CSE1L: variants seen among roughly 807,000 people sequenced by gnomAD.
CSE1L encodes the protein chromosome segregation 1 like.
Under a neutral mutation model 120.4 loss-of-function variants are expected in CSE1L, and 24 were observed. That is an observed-to-expected ratio of 0.20 (90% confidence interval 0.14 to 0.28). The LOEUF (loss-of-function observed/expected upper bound fraction) is 0.28. Ranked by LOEUF, CSE1L falls within the 10% of genes least tolerant of loss-of-function variation. The pLI is 1.00. For missense variants in CSE1L, 830 were observed against 1,145.2 expected, an observed-to-expected ratio of 0.72 and a Z score of 3.97; for synonymous variants, 402 against 398.3, an observed-to-expected ratio of 1.01 and a Z score of -0.11.
chr20:49,066,488 A>G lies in CSE1L; in HGVS notation c.454A>G (p.Thr152Ala). ...DFHVINGVLR[T>A]AHSLFKRYRH... ...CCATGTTATTAATGGAGTCCTCCGTACAGCACATTCATTATTTAAAAGGTA... is the reference window on the plus strand; with the variant it reads ...CCATGTTATTAATGGAGTCCTCCGTGCAGCACATTCATTATTTAAAAGGTA... The change falls in exon 5 of 25, where the codon ACA (threonine) becomes GCA (alanine). Residue 152 changes from threonine (T) to alanine (A), a missense_variant. By Grantham distance (58) the Thr-to-Ala change is moderately conservative. This residue lies in a region of CSE1L where 543 missense variants were observed against 640.2 expected (regional missense o/e 0.85). Coordinates refer to ENST00000262982, the MANE Select transcript of CSE1L (RefSeq NM_001316.4). 6.2e-7 allele frequency: 1 copy of G among 1,612,938 alleles called. No individual in the cohort carries two copies. Among genetic ancestry groups the G allele is most frequent in the Non-Finnish European group, 8.5e-7 (1 of 1,179,574 alleles).
chr20:49,057,397 G>A (rs2123664260), intron 1 of CSE1L, among the ~76,000 whole-genome samples: 1 of 150,122 alleles, frequency 6.7e-6, no homozygotes, highest in South Asian at 2.1e-4. Flanking sequence ...TTTAATCTCA[G>A]AACTTTATGT....
chr20:49,052,735 T>G (rs939652742), intron 1 of CSE1L, among the ~76,000 whole-genome samples: 1 of 152,142 alleles, frequency 6.6e-6, no homozygotes, highest in Non-Finnish European at 1.5e-5. Context: ...TCTACAGGTG[T>G]GTGCCACCAC....
intron 14 of CSE1L, among the ~76,000 whole-genome samples, chr20:49,079,167 AC>A (rs2091991216): frequency 6.6e-6 from 1 of 151,912 alleles, no homozygotes; most frequent in East Asian, 1.9e-4. Context: ...TGCTGGGACT[AC>A]AGGTGTGAGC....
intron 22 of CSE1L, among the ~76,000 whole-genome samples, 169 bp from the exon 23 acceptor site, chr20:49,093,971 T>C (rs1222751881): frequency 2.0e-5 from 3 of 151,646 alleles, no homozygotes; most frequent in African/African-American, 7.3e-5. Context: ...GGTAGAGGTG[T>C]GATGGGGTTT....
intron 1 of CSE1L, among the ~76,000 whole-genome samples, chr20:49,047,258 A>C (rs2091720956): frequency 6.6e-6 from 1 of 152,034 alleles, no homozygotes; most frequent in Non-Finnish European, 1.5e-5. Context: ...TTAATAACAG[A>C]ATCTACCTCG....
At chr20:49,090,635 G>A in intron 19 of CSE1L, 107 bp from the exon 20 acceptor site, 1 of 812,176 alleles carries the variant, frequency 1.2e-6, no homozygotes, top group South Asian at 1.6e-5. Flanking sequence ...AAAGAGAAAA[G>A]GATAGATTAT....
At chr20:49,080,372 C>G (rs1340219949) in intron 14 of CSE1L, among the ~76,000 whole-genome samples, 5 of 151,452 alleles carry the variant, frequency 3.3e-5, no homozygotes, top group South Asian at 2.1e-4. Context: ...AGGCACCATG[C>G]CTGGCCCTGG....
intron 2 of CSE1L, among the ~76,000 whole-genome samples, chr20:49,061,154 A>G (rs2091849226): frequency 6.6e-6 from 1 of 150,768 alleles, no homozygotes; most frequent in South Asian, 2.1e-4. Context: ...AGCTGTTGCC[A>G]ACACTATTAA....
chr20:49,090,898 G>T, intron 20 of CSE1L, 39 bp from the exon 21 acceptor site: 1 of 1,596,752 alleles, frequency 6.3e-7, no homozygotes. Context: ...GCTCAGAAAA[G>T]TCCTAAATTT....
intron 14 of CSE1L, among the ~76,000 whole-genome samples, chr20:49,079,880 G>T (rs2039864949): frequency 3.9e-5 from 6 of 152,158 alleles, no homozygotes; most frequent in Admixed American, 3.3e-4. Context: ...AGGAGTTCAA[G>T]ACCACCTTGG....
intron 2 of CSE1L, among the ~76,000 whole-genome samples, chr20:49,060,775 C>CAA (rs3092475): frequency 1.7e-3 from 231 of 136,786 alleles, no homozygotes; most frequent in Admixed American, 2.7e-3. Flanking sequence ...GACTTTGTCT[C>CAA]AAAAAAAAAA....
chr20:49,050,791 G>A (rs1320727947), intron 1 of CSE1L, among the ~76,000 whole-genome samples: 1 of 151,794 alleles, frequency 6.6e-6, no homozygotes. Context: ...ACGGTCCTTG[G>A]GGTCAAGTGA....
intron 7 of CSE1L, 151 bp from the exon 8 acceptor site, chr20:49,070,054 G>A (rs769536825): frequency 9.6e-5 from 47 of 489,056 alleles, no homozygotes; most frequent in Non-Finnish European, 1.5e-4. Context: ...GCTGCCAGAT[G>A]TAGCTGGAGC....
Position 49,072,267 on chromosome 20 carries a change from T to G in CSE1L, c.769-19T>G, listed in dbSNP as rs1214681534. 4.3e-6 allele frequency: 7 copies of G among 1,610,482 alleles called. No homozygotes were observed. Among genetic ancestry groups the G allele is most frequent in the Non-Finnish European group, 5.9e-6 (7 of 1,178,488 alleles). Reference sequence around the variant, plus strand: ...GCATTAGAGTTGTATGTTGGAGTTTTTGTTTTCTTTTATGTGAGGATGAAG... The same window carrying G: ...GCATTAGAGTTGTATGTTGGAGTTTGTGTTTTCTTTTATGTGAGGATGAAG... On this transcript the variant is annotated intron_variant, in intron 8 of 24. Transcript: ENST00000262982.
chr20:49,078,501 A>C (rs1284000528), intron 13 of CSE1L, 60 bp from the exon 14 acceptor site: 11 of 1,102,790 alleles, frequency 1.0e-5, no homozygotes, highest in Non-Finnish European at 1.3e-5. Context: ...TGATGTCACT[A>C]ATTTGGAAGT....
intron 1 of CSE1L, among the ~76,000 whole-genome samples, chr20:49,058,250 A>G (rs953933315): frequency 2.6e-5 from 4 of 152,016 alleles, no homozygotes; most frequent in African/African-American, 9.7e-5. Flanking sequence ...CCTTATCACA[A>G]AATTGTCTCA....
At chr20:49,054,737 A>G (rs1395623803) in intron 1 of CSE1L, among the ~76,000 whole-genome samples, 1 of 152,166 alleles carries the variant, frequency 6.6e-6, no homozygotes, top group Non-Finnish European at 1.5e-5. Context: ...TTACCCACTT[A>G]AGAAAACCTT....
intron 13 of CSE1L, among the ~76,000 whole-genome samples, chr20:49,077,299 A>G (rs2091976957): frequency 6.6e-6 from 1 of 151,864 alleles, no homozygotes; most frequent in South Asian, 2.1e-4. Flanking sequence ...AGCTGGGACT[A>G]CAGGCACGTA....
intron 1 of CSE1L, among the ~76,000 whole-genome samples, chr20:49,054,464 A>G (rs2091791244): frequency 1.3e-5 from 2 of 152,218 alleles, no homozygotes; most frequent in Middle Eastern, 3.4e-3. Flanking sequence ...ATTTCCACCT[A>G]AGAGGCAGCC....
Sources: gnomAD v4.1 joint callset for allele counts (sites outside exome capture counted in the v4.1 genomes callset) on GRCh38, gnomAD v4.1.1 for gene constraint, gnomAD v4.1.1 regional missense constraint, MANE v1.5 for transcripts, NCBI Gene and HGNC (gene_info 2026-07-23, HGNC 2026-07-21) for gene names.